DISC1: variants seen among roughly 807,000 people sequenced by gnomAD.
DISC1 encodes the protein DISC1 scaffold protein.
In DISC1, 57 loss-of-function variants were observed where a neutral mutation model predicts 84.5. The observed-to-expected ratio is 0.67, with a 90% CI of 0.55 to 0.84. DISC1 has a LOEUF of 0.84. Among genes scored for constraint, DISC1 ranks in the 40% least tolerant of loss-of-function variants. The pLI is 0.00. For synonymous variants in DISC1, 411 were observed against 415.2 expected, an observed-to-expected ratio of 0.99 and a Z score of 0.12; for missense variants, 1,000 against 1,057.8, an observed-to-expected ratio of 0.95 and a Z score of 0.76.
At chr1:232,006,067 C>T (rs1270596450) in intron 10 of DISC1, among the ~76,000 whole-genome samples, 1 of 152,348 alleles carries the variant, frequency 6.6e-6, no homozygotes, top group East Asian at 1.9e-4. Flanking sequence ...GCCACAGTCA[C>T]TCCTTTCTAT....
At chr1:231,980,999 T>G (rs1302458357) in intron 10 of DISC1, among the ~76,000 whole-genome samples, 1 of 152,164 alleles carries the variant, frequency 6.6e-6, no homozygotes, top group African/African-American at 2.4e-5. Context: ...CAGGTGGGAG[T>G]GCAGTGGCAC....
chr1:231,935,167 A>G (rs149504600), intron 9 of DISC1, among the ~76,000 whole-genome samples: 111 of 152,328 alleles, frequency 7.3e-4, no homozygotes, highest in African/African-American at 2.2e-3. Context: ...GGACTGTGGC[A>G]TGTCGTGAGT....
At chr1:231,634,171 ACCGCGCCT>A (rs2058992117) in intron 1 of DISC1, among the ~76,000 whole-genome samples, 1 of 152,116 alleles carries the variant, frequency 6.6e-6, no homozygotes, top group Admixed American at 6.6e-5. Flanking sequence ...GGAGTGAGCC[ACCGCGCCT>A]GGCCTGTACC....
At chr1:231,991,354 A>C (rs564575471) in intron 10 of DISC1, among the ~76,000 whole-genome samples, 1 of 152,332 alleles carries the variant, frequency 6.6e-6, no homozygotes, top group African/African-American at 2.4e-5. Context: ...GAGCTGCTGG[A>C]ATGTATTCAG....
intron 5 of DISC1, among the ~76,000 whole-genome samples, chr1:231,768,339 T>C (rs2076310472): frequency 6.6e-6 from 1 of 152,140 alleles, no homozygotes; most frequent in Non-Finnish European, 1.5e-5. Context: ...ATTCGTGTTA[T>C]CTGAATTTGC....
intron 9 of DISC1, among the ~76,000 whole-genome samples, chr1:231,867,452 T>A (rs535881092): frequency 1.4e-5 from 2 of 145,796 alleles, no homozygotes; most frequent in African/African-American, 2.4e-5. Flanking sequence ...GTTTAAAAAA[T>A]AATAATAATA....
rs562507028 is a variant in DISC1, at chr1:231,939,316, A to C, written c.1982-19512A>C. Among the ~76,000 whole-genome samples the C allele has an allele frequency of 6.2e-4, 94 of 152,304 alleles. 1 individual carries two copies. The highest frequency in any genetic ancestry group is 2.3e-3 in the African/African-American group (94 of 41,572). On this transcript the variant is annotated intron_variant, in intron 9 of 12. Transcript: ENST00000439617. ...AGTGCCTGGCATGTAGTAGTTGCTC[A>C]ATAAGTAGTTGTTGAGCGAATAAAT...
intron 10 of DISC1, among the ~76,000 whole-genome samples, chr1:231,987,360 G>A (rs946222224): frequency 2.0e-5 from 3 of 152,202 alleles, no homozygotes; most frequent in East Asian, 1.9e-4. Flanking sequence ...TGAAAGCTGA[G>A]CCATGACAAT....
In DISC1 at chr1:231,856,174, C is replaced by T. The variant is rs73093435; in HGVS notation, c.1981+37657C>T. 7.0e-3 allele frequency among the ~76,000 whole-genome samples: 1,058 copies of T among 152,124 alleles called. 13 individuals are homozygous for T. The highest frequency in any genetic ancestry group is 0.024 in the African/African-American group (989 of 41,498). Reference sequence around the variant, plus strand: ...TTGGATGGTGACCTTTATGAGCTCTCGGTTGGATTGCAGATTTATGTGTCA... The same window carrying T: ...TTGGATGGTGACCTTTATGAGCTCTTGGTTGGATTGCAGATTTATGTGTCA... On this transcript the variant is annotated intron_variant, in intron 9 of 12. Coordinates refer to ENST00000439617, the MANE Select transcript of DISC1 (RefSeq NM_018662.3).
At chr1:231,654,301 T>G (rs2060882405) in intron 1 of DISC1, among the ~76,000 whole-genome samples, 1 of 150,648 alleles carries the variant, frequency 6.6e-6, no homozygotes. Context: ...GTCAAAAATT[T>G]GATAGGATTC....
rs558284151 is a variant in DISC1 at position 232,031,458 on chromosome 1, A to G, written c.2425+4906A>G. On this transcript the variant is annotated intron_variant, in intron 12 of 12. Transcript: ENST00000439617. The surrounding 1 kb of genome is among the most constrained non-coding windows in gnomAD (Gnocchi z 4.6). Reference sequence around the variant, plus strand: ...GAAGGGAAAAGGGAAAGGAGAAGGGAAGGGAGAAGGGAAGGGAGCAAAAGG... The same window carrying G: ...GAAGGGAAAAGGGAAAGGAGAAGGGGAGGGAGAAGGGAAGGGAGCAAAAGG... Among the ~76,000 whole-genome samples, 1 of 150,566 alleles carries G rather than the reference A, an allele frequency of 6.6e-6. No individual in the cohort carries two copies. The highest frequency in any genetic ancestry group is 2.4e-5 in the African/African-American group (1 of 40,992).
intron 10 of DISC1, among the ~76,000 whole-genome samples, chr1:231,991,369 T>G (rs1572523427): frequency 6.6e-6 from 1 of 152,260 alleles, no homozygotes; most frequent in East Asian, 1.9e-4. Context: ...ATTCAGGGGA[T>G]AAGCTGAGAG....
intron 11 of DISC1, among the ~76,000 whole-genome samples, chr1:232,016,182 A>G (rs985496949): frequency 2.6e-5 from 4 of 152,214 alleles, no homozygotes; most frequent in Admixed American, 6.5e-5. Context: ...TAATAGTTGC[A>G]CAGTTTACAG....
At chr1:231,945,524 T>G (rs1227292642) in intron 9 of DISC1, among the ~76,000 whole-genome samples, 1 of 152,126 alleles carries the variant, frequency 6.6e-6, no homozygotes, top group Non-Finnish European at 1.5e-5. Context: ...AGATCTAAAA[T>G]TGACACCCTA....
intron 9 of DISC1, among the ~76,000 whole-genome samples, chr1:231,902,224 G>A (rs2088235265): frequency 6.6e-6 from 1 of 152,034 alleles, no homozygotes; most frequent in Non-Finnish European, 1.5e-5. Context: ...TGATCATAGT[G>A]GGTGATAGCA....
intron 3 of DISC1, among the ~76,000 whole-genome samples, chr1:231,704,511 C>T (rs1169823411): frequency 6.6e-6 from 1 of 152,146 alleles, no homozygotes; most frequent in East Asian, 1.9e-4. Flanking sequence ...AATCCCAGCA[C>T]TTTGGGAGTC....
In DISC1 at chr1:231,779,563, T is replaced by G. The variant is rs1162090373; in HGVS notation, c.1634+8493T>G. On this transcript the variant is annotated intron_variant, in intron 6 of 12. Transcript: ENST00000439617. ...AACCTATTCTTGTTTTTTTTTTTTT[T>G]TTTTTTTTTTTTTTTAAGATGGAGT... is the stretch of plus-strand genomic sequence containing the variant. 4.9e-5 allele frequency among the ~76,000 whole-genome samples: 7 copies of G among 142,230 alleles called. 1 individual carries two copies. Among genetic ancestry groups the G allele is most frequent in the South Asian group, 4.8e-4 (2 of 4,208 alleles). The allele number at this position is 142,230 out of a possible 152,430, so 93.3% of individuals were successfully genotyped here. A position where few individuals can be genotyped will look rare whatever the true frequency, so the allele number is the denominator to read the frequency against.
chr1:231,852,228 A>G, intron 9 of DISC1, among the ~76,000 whole-genome samples: 1 of 152,346 alleles, frequency 6.6e-6, no homozygotes, highest in Non-Finnish European at 1.5e-5. Context: ...TTTCCTCTGT[A>G]ATAGATGAGG....
intron 1 of DISC1, among the ~76,000 whole-genome samples, chr1:231,639,310 A>G (rs2059439984): frequency 6.6e-6 from 1 of 152,220 alleles, no homozygotes; most frequent in African/African-American, 2.4e-5. Flanking sequence ...AAAGCACATT[A>G]TCATGATTTT....
Sources: gnomAD v4.1 joint callset for allele counts (sites outside exome capture counted in the v4.1 genomes callset) on GRCh38, gnomAD v4.1.1 for gene constraint, Gnocchi (gnomAD v3.1) non-coding constraint, MANE v1.5 for transcripts, NCBI Gene and HGNC (gene_info 2026-07-23, HGNC 2026-07-21) for gene names.